Variants in CALCA observed in about 807,000 individuals in gnomAD.
CALCA encodes the protein calcitonin.
CALCA carries 4 observed loss-of-function variants against 6.9 expected under a neutral mutation model. That is an observed-to-expected ratio of 0.58 (90% CI 0.29 to 1.33). The LOEUF (loss-of-function observed/expected upper bound fraction) is 1.33. CALCA is among the 40% of genes most tolerant of loss of function. CALCA has a pLI of 0.09. For synonymous variants in CALCA, 78 were observed against 70.0 expected (o/e 1.11, Z -0.57); for missense variants, 174 against 178.3 (o/e 0.98, Z 0.14).
chr11:14,968,893 A>G lies in CALCA; in HGVS notation c.332T>C (p.Ile111Thr), dbSNP rs377551213. The G allele has an allele frequency of 6.9e-5, 112 of 1,614,094 alleles. No individual in the cohort carries two copies. The African/African-American group carries it at 7.5e-4, about 11-fold the overall frequency. ...NKFHTFPQTA[I>T]GVGAPGKKRD... ...TTTCTTTCCAGGTGCTCCAACCCCA[A>G]TTGCAGTTTGGGGGAACGTGTGAAA... is the stretch of plus-strand genomic sequence containing the variant. Residue 111 changes from isoleucine (I) to threonine (T), a missense_variant, in exon 4 of 4, where the codon ATT becomes ACT. Coordinates refer to ENST00000331587, the MANE Select transcript of CALCA (RefSeq NM_001741.3).
At position 14,968,961 on chromosome 11, in the gene CALCA, CAGATT is replaced by C; in HGVS notation, c.259_263del (p.Asn87GlufsTer47). ...TGTATGTGCCCAGCATGCAAGTACTCAGATTACCGCACCGCTTAGATCTGGGGCTG... is the reference window on the plus strand; with the variant it reads ...TGTATGTGCCCAGCATGCAAGTACTCACCGCACCGCTTAGATCTGGGGCTG... On this transcript the variant is annotated frameshift_variant, in exon 4 of 4. Transcript: ENST00000331587. LOFTEE classifies it low-confidence loss of function (END_TRUNC). 6.2e-7 allele frequency: 1 copy of C among 1,613,798 alleles called. No individual in the cohort carries two copies. Among genetic ancestry groups the C allele is most frequent in the East Asian group, 2.2e-5 (1 of 44,870 alleles).
At chr11:14,969,808 G>C in intron 3 of CALCA, 127 bp downstream of exon 3, 3 of 1,444,480 alleles carry the variant, frequency 2.1e-6, no homozygotes, top group Non-Finnish European at 9.7e-7. Context: ...CTGGGCCCCA[G>C]GTCCCGGTGA....
chr11:14,969,556 A>T (rs1849541327), intron 3 of CALCA, among the ~76,000 whole-genome samples: 1 of 152,150 alleles, frequency 6.6e-6, no homozygotes, highest in South Asian at 2.1e-4. Context: ...AACAAGGTGG[A>T]TCCAAATTTC....
At chr11:14,967,308 ACTC>A (rs1555025526), downstream of CALCA, among the ~76,000 whole-genome samples, 1 of 152,180 alleles carries the variant, frequency 6.6e-6, no homozygotes, top group Non-Finnish European at 1.5e-5. Flanking sequence ...CAGTTCTTGA[ACTC>A]AAGTCTGTAC....
chr11:14,968,195 C>A, downstream of CALCA: 1 of 381,786 alleles, frequency 2.6e-6, no homozygotes, highest in Non-Finnish European at 4.9e-6. Flanking sequence ...TGGTCCCACA[C>A]CCAGCCCCAT....
chr11:14,968,870 T>G lies in CALCA; in HGVS notation c.355A>C (p.Lys119Gln), dbSNP rs1366059289. Reference sequence around the variant, plus strand: ...TCCAAGTCGCTGGACATATCCCTTTTCTTTCCAGGTGCTCCAACCCCAATT... The same window carrying G: ...TCCAAGTCGCTGGACATATCCCTTTGCTTTCCAGGTGCTCCAACCCCAATT... Reference protein sequence around the residue: ...TAIGVGAPGKKRDMSSDLERD... With the variant: ...TAIGVGAPGKQRDMSSDLERD... The change falls in exon 4 of 4, where the codon AAA becomes CAA. Residue 119 changes from lysine to glutamine, a missense_variant. Coordinates refer to ENST00000331587, the MANE Select transcript of CALCA (RefSeq NM_001741.3). 1.2e-6 allele frequency: 2 copies of G among 1,614,178 alleles called. No homozygotes were observed. The highest frequency in any genetic ancestry group is 2.2e-5 in the East Asian group (1 of 44,874).
In CALCA at chr11:14,968,950, A is replaced by G; in HGVS notation, c.275T>C (p.Met92Thr). ...SKRCGNLSTC[M>T]LGTYTQDFNK... is the part of the protein sequence containing the mutation. ...GAAGTCCTGCGTGTATGTGCCCAGC[A>G]TGCAAGTACTCAGATTACCGCACCG... is the stretch of plus-strand genomic sequence containing the variant. The change falls in exon 4 of 4, where the codon ATG (methionine) becomes ACG (threonine). Residue 92 changes from methionine (M) to threonine (T), a missense_variant. Transcript: ENST00000331587. 1 of 1,614,010 alleles carries G rather than the reference A, an allele frequency of 6.2e-7. No individual in the cohort carries two copies. Among genetic ancestry groups the G allele is most frequent in the South Asian group, 1.1e-5 (1 of 91,064 alleles).
At chr11:14,970,597 G>A (rs528253507) in intron 2 of CALCA, among the ~76,000 whole-genome samples, 3 of 152,214 alleles carry the variant, frequency 2.0e-5, no homozygotes, top group South Asian at 2.1e-4. Context: ...AGACTCAGTG[G>A]GCTATATAAA....
At position 14,968,883 on chromosome 11, in the gene CALCA, T is replaced by C. The variant is rs782410848; in HGVS notation, c.342A>G (p.Gly114=). 1.7e-5 allele frequency: 28 copies of C among 1,614,040 alleles called. 2 individuals are homozygous for C. In the South Asian group the frequency reaches 3.1e-4, roughly 18 times the overall value. ...HTFPQTAIGV[G]APGKKRDMSS... The stretch of plus-strand genomic sequence containing the variant: ...ACATATCCCTTTTCTTTCCAGGTGC[T>C]CCAACCCCAATTGCAGTTTGGGGGA... Residue 114 remains glycine (G), a synonymous_variant, in exon 4 of 4, where the codon GGA becomes GGG. Coordinates refer to ENST00000331587, the MANE Select transcript of CALCA (RefSeq NM_001741.3).
At position 14,969,982 on chromosome 11, in the gene CALCA, C is replaced by A. The variant is rs375799426; in HGVS notation, c.180G>T (p.Gln60His). The stretch of plus-strand genomic sequence containing the variant: ...CCTGCTCCAGCTCACTGGCCTTCAT[C>A]TGCACATAGTCCTGCACCAGTGCAG... ...LLAALVQDYVQMKASELEQEQ... is the reference protein window; with the variant it reads ...LLAALVQDYVHMKASELEQEQ... The change falls in exon 3 of 4, where the codon CAG becomes CAT. Residue 60 changes from glutamine (Q) to histidine (H), a missense_variant. By Grantham distance (24) the Gln-to-His change is conservative. Coordinates refer to ENST00000331587, the MANE Select transcript of CALCA (RefSeq NM_001741.3). The A allele has an allele frequency of 7.4e-6, 12 of 1,614,016 alleles. No homozygotes were observed. The highest frequency in any genetic ancestry group is 2.2e-5 in the East Asian group (1 of 44,874).
downstream of CALCA, chr11:14,968,211 A>G (rs1849501623): frequency 5.8e-6 from 2 of 343,800 alleles, no homozygotes; most frequent in South Asian, 2.8e-5. Context: ...CCCATTCACA[A>G]AGGACTATAA....
Position 14,968,911 on chromosome 11 carries a change from G to A in CALCA, c.314C>T (p.Thr105Met), listed in dbSNP as rs782566279. ...TYTQDFNKFH[T>M]FPQTAIGVGA... The stretch of plus-strand genomic sequence containing the variant: ...AACCCCAATTGCAGTTTGGGGGAAC[G>A]TGTGAAACTTGTTGAAGTCCTGCGT... Residue 105 changes from threonine (T) to methionine (M), a missense_variant, in exon 4 of 4, where the codon ACG becomes ATG. By Grantham distance (81) the Thr-to-Met change is moderately conservative. Transcript: ENST00000331587. The A allele has an allele frequency of 1.4e-5, 23 of 1,613,970 alleles. No homozygotes were observed. In the Middle Eastern group the frequency reaches 4.9e-4, roughly 35 times the overall value.
chr11:14,969,404 C>T (rs1455245314), intron 3 of CALCA, among the ~76,000 whole-genome samples: 1 of 152,178 alleles, frequency 6.6e-6, no homozygotes, highest in African/African-American at 2.4e-5. Context: ...TGCACATCTC[C>T]ACAGATGCCA....
downstream of CALCA, chr11:14,967,673 C>T: frequency 1.2e-6 from 2 of 1,613,720 alleles, no homozygotes; most frequent in Admixed American, 1.7e-5. Flanking sequence ...AGGGCAGTCA[C>T]CTTCTTGAGT....
chr11:14,968,722 C>T lies in CALCA; in HGVS notation c.*77G>A, dbSNP rs538733309. On this transcript the variant is annotated 3_prime_UTR_variant, in exon 4 of 4. Coordinates refer to ENST00000331587, the MANE Select transcript of CALCA (RefSeq NM_001741.3). ...CCACCAATACCAGCCCAAAGAGCCA[C>T]CAGAGAGGAACCAAACCACATGCAT... is the stretch of plus-strand genomic sequence containing the variant. 1 of 1,612,844 alleles carries T rather than the reference C, an allele frequency of 6.2e-7. No homozygotes were observed. Among genetic ancestry groups the T allele is most frequent in the Non-Finnish European group, 8.5e-7 (1 of 1,179,676 alleles).
intron 3 of CALCA, 80 bp from the exon 4 acceptor site, chr11:14,969,077 G>A: frequency 7.4e-7 from 1 of 1,359,302 alleles, no homozygotes; most frequent in Non-Finnish European, 1.0e-6. Context: ...GTTAGACCAG[G>A]CAGGGGACCC....
At chr11:14,970,746 A>G (rs1849582935) in intron 2 of CALCA, among the ~76,000 whole-genome samples, 1 of 151,970 alleles carries the variant, frequency 6.6e-6, no homozygotes, top group South Asian at 2.1e-4. Flanking sequence ...CTAAAAATAC[A>G]AAAATTAGCC....
At chr11:14,969,039 T>C (rs1181483484) in intron 3 of CALCA, 42 bp from the exon 4 acceptor site, 1 of 1,584,124 alleles carries the variant, frequency 6.3e-7, no homozygotes, top group Non-Finnish European at 8.7e-7. Context: ...TGCACCAGAA[T>C]CTGTCCCCAT....
At position 14,968,589 on chromosome 11, in the gene CALCA, A is replaced by G. The variant is rs1355704753; in HGVS notation, c.*210T>C. On this transcript the variant is annotated 3_prime_UTR_variant, in exon 4 of 4. Transcript: ENST00000331587. ...CTGATGACATCTCTGGGGGACTCAA[A>G]GCGGCCCTCATTTTCTGGTATTTTC... 3 of 1,465,080 alleles carry G rather than the reference A, an allele frequency of 2.0e-6. No individual in the cohort carries two copies. The highest frequency in any genetic ancestry group is 2.7e-6 in the Non-Finnish European group (3 of 1,108,670). The allele number at this position is 1,465,080 out of a possible 1,614,324, so 90.8% of individuals were successfully genotyped here. A position where few individuals can be genotyped will look rare whatever the true frequency, so the allele number is the denominator to read the frequency against.
Sources: gnomAD v4.1 joint callset for allele counts (sites outside exome capture counted in the v4.1 genomes callset) on GRCh38, gnomAD v4.1.1 for gene constraint, MANE v1.5 for transcripts, NCBI Gene and HGNC (gene_info 2026-07-23, HGNC 2026-07-21) for gene names.